Variants in TLN1 observed in about 807,000 individuals in gnomAD.
The protein encoded by TLN1 is talin 1.
A neutral mutation model predicts 292.3 loss-of-function variants in TLN1; 56 were observed. That is an observed-to-expected ratio of 0.19 (90% CI 0.15 to 0.24). The LOEUF is 0.24. Among genes scored for constraint, TLN1 ranks in the 10% least tolerant of loss-of-function variants. The pLI is 1.00. For synonymous variants in TLN1, 1,119 were observed against 1,253.7 expected (o/e 0.89, Z 2.27); for missense variants, 2,433 against 3,248.2 (o/e 0.75, Z 6.10).
chr9:35,717,559 C>G lies in TLN1; in HGVS notation c.2163+60G>C. On this transcript the variant is annotated intron_variant, in intron 18 of 56. Transcript: ENST00000314888. The surrounding 1 kb of genome is among the most constrained non-coding windows in gnomAD (Gnocchi z 4.7). The stretch of plus-strand genomic sequence containing the variant: ...AGAGCCAAAGAAATAAAATGAAAGG[C>G]TCACGTGTGTGTGGTAGTATTACCC... 6.3e-7 allele frequency: 1 copy of G among 1,583,506 alleles called. No individual in the cohort carries two copies. The highest frequency in any genetic ancestry group is 8.6e-7 in the Non-Finnish European group (1 of 1,159,384).
chr9:35,708,520 A>G, intron 33 of TLN1, 36 bp from the exon 34 acceptor site: 1 of 1,508,886 alleles, frequency 6.6e-7, no homozygotes, highest in Non-Finnish European at 8.9e-7. Flanking sequence ...TGAGGAATAA[A>G]GATTGCAGGT....
intron 7 of TLN1, 50 bp downstream of exon 7, chr9:35,723,902 A>G (rs757542965): frequency 7.5e-6 from 12 of 1,604,644 alleles, no homozygotes; most frequent in Non-Finnish European, 8.5e-6. Context: ...TGGGGTCACA[A>G]TGGCAGGGAG....
chr9:35,712,747 G>A, intron 27 of TLN1, 88 bp downstream of exon 27: 1 of 1,197,168 alleles, frequency 8.4e-7, no homozygotes, highest in South Asian at 1.5e-5. Flanking sequence ...TGTGAGTGTG[G>A]ACGAGGCTCA....
Position 35,705,532 on chromosome 9 carries a change from G to C in TLN1, c.5733+19C>G. ...GGAACAAGGGGCAGGGGGCAGGGCAGAGTTGCCTCCACGTTTACCTCTTCA... is the reference window on the plus strand; with the variant it reads ...GGAACAAGGGGCAGGGGGCAGGGCACAGTTGCCTCCACGTTTACCTCTTCA... On this transcript the variant is annotated intron_variant, in intron 43 of 56. Transcript: ENST00000314888. 6.4e-7 allele frequency: 1 copy of C among 1,560,512 alleles called. No individual in the cohort carries two copies. Among genetic ancestry groups the C allele is most frequent in the Non-Finnish European group, 8.7e-7 (1 of 1,151,550 alleles).
At position 35,712,245 on chromosome 9, in the gene TLN1, G is replaced by A. The variant is rs114636487; in HGVS notation, c.3562-121C>T. On this transcript the variant is annotated intron_variant, in intron 27 of 56. Transcript: ENST00000314888. ...CTGAAAGTGAAAAAAGAAAGGGGGC[G>A]TTGTAGGTGAACAGGCTGAGGTTAG... 1,478 of 1,336,366 alleles carry A rather than the reference G, an allele frequency of 1.1e-3. 15 individuals carry two copies. The African/African-American group carries it at 0.019, about 18-fold the overall frequency. 82.8% of individuals were successfully genotyped at this position (1,336,366 alleles called of 1,614,324 possible). A position where few individuals can be genotyped will look rare whatever the true frequency, so the allele number is the denominator to read the frequency against.
At chr9:35,709,293 C>CA (rs1309069670) in intron 33 of TLN1, among the ~76,000 whole-genome samples, 1 of 151,914 alleles carries the variant, frequency 6.6e-6, no homozygotes, top group Non-Finnish European at 1.5e-5. Context: ...GACTCCGTCT[C>CA]AAAAAACAAA....
chr9:35,731,241 C>T (rs1483940489), intron 1 of TLN1, among the ~76,000 whole-genome samples: 1 of 152,194 alleles, frequency 6.6e-6, no homozygotes, highest in Non-Finnish European at 1.5e-5. Flanking sequence ...TCAAGGTCAA[C>T]TATGCTAGCC....
At position 35,699,837 on chromosome 9, in the gene TLN1, G is replaced by A. The variant is rs1008981727; in HGVS notation, c.6768+137C>T. 6.3e-6 allele frequency: 7 copies of A among 1,108,438 alleles called. No individual in the cohort carries two copies. The African/African-American group carries it at 1.1e-4, about 18-fold the overall frequency. The allele number at this position is 1,108,438 out of a possible 1,614,324, so 68.7% of individuals were successfully genotyped here. On this transcript the variant is annotated intron_variant, in intron 50 of 56. Coordinates refer to ENST00000314888, the MANE Select transcript of TLN1 (RefSeq NM_006289.4). This position sits in a 1 kb window ranked among gnomAD's most constrained non-coding sequence, Gnocchi z 4.0. The stretch of plus-strand genomic sequence containing the variant: ...CCTGGGAGAAAGGGAGACTTGGAAA[G>A]GAGAACAGATTTGGGAAGTAGAGGG...
intron 10 of TLN1, among the ~76,000 whole-genome samples, 190 bp from the exon 11 acceptor site, chr9:35,721,103 G>A (rs755676369): frequency 1.3e-5 from 2 of 152,090 alleles, no homozygotes; most frequent in Non-Finnish European, 1.5e-5. Context: ...CTTCTGAGGA[G>A]TGGCCTCTAC....
In TLN1 at chr9:35,700,021, G is replaced by T. The variant is rs750965317; in HGVS notation, c.6721C>A (p.Arg2241=). ...DVRLRALHYG[R]ECANGYLELL... is the part of the protein sequence containing the mutation. ...TCCAGGTAGCCATTGGCACACTCCCGGCCATAGTGCAGGGCTCGAAGCCGC... is the reference window on the plus strand; with the variant it reads ...TCCAGGTAGCCATTGGCACACTCCCTGCCATAGTGCAGGGCTCGAAGCCGC... Residue 2241 remains arginine, a synonymous_variant, in exon 50 of 57, where the codon CGG becomes AGG. Coordinates refer to ENST00000314888, the MANE Select transcript of TLN1 (RefSeq NM_006289.4). 1 of 1,613,574 alleles carries T rather than the reference G, an allele frequency of 6.2e-7. No homozygotes were observed. The highest frequency in any genetic ancestry group is 1.3e-5 in the African/African-American group (1 of 74,990).
Position 35,706,943 on chromosome 9 carries a change from C to G in TLN1, c.4956-43G>C. 1 of 1,611,012 alleles carries G rather than the reference C, an allele frequency of 6.2e-7. No homozygotes were observed. The highest frequency in any genetic ancestry group is 1.1e-5 in the South Asian group (1 of 90,910). ...GCTCCAACACCAAGAACATCCCCTACTGCAAGGCCAGCCTATCCTTCCCCT... is the reference window on the plus strand; with the variant it reads ...GCTCCAACACCAAGAACATCCCCTAGTGCAAGGCCAGCCTATCCTTCCCCT... On this transcript the variant is annotated intron_variant, in intron 37 of 56. Transcript: ENST00000314888. This position sits in a 1 kb window ranked among gnomAD's most constrained non-coding sequence, Gnocchi z 4.2.
chr9:35,725,100 T>G, intron 3 of TLN1, 124 bp downstream of exon 3: 1 of 1,533,196 alleles, frequency 6.5e-7, no homozygotes, highest in Non-Finnish European at 8.9e-7. Context: ...TATGACTGTC[T>G]GTTAATAGGA....
rs758141606 is a variant in TLN1, at chr9:35,712,144, AG to A, written c.3562-21del. The A allele has an allele frequency of 5.0e-6, 8 of 1,607,256 alleles. No homozygotes were observed. The highest frequency in any genetic ancestry group is 3.4e-5 in the Admixed American group (2 of 58,382). On this transcript the variant is annotated intron_variant, in intron 27 of 56. Coordinates refer to ENST00000314888, the MANE Select transcript of TLN1 (RefSeq NM_006289.4). Reference sequence around the variant, plus strand: ...AGCCACCTGGGGTGAGAAAGGAGACAGGGTTGCCCAAGTGAAAAGAATTTGA... The same window carrying A: ...AGCCACCTGGGGTGAGAAAGGAGACAGGTTGCCCAAGTGAAAAGAATTTGA...
Position 35,717,719 on chromosome 9 carries a change from C to T in TLN1, c.2063G>A (p.Ser688Asn). Residue 688 changes from serine (S) to asparagine (N), a missense_variant, in exon 18 of 57, where the codon AGT (serine) becomes AAT (asparagine). This residue lies in a region of TLN1 where 617 missense variants were observed against 770.6 expected (regional missense o/e 0.80). Transcript: ENST00000314888. This position sits in a 1 kb window ranked among gnomAD's most constrained non-coding sequence, Gnocchi z 4.7. ...CGAGTCCTCTGTCCGCTGGGCCACA[C>T]TCTTGGCCTTGAGGACCAGGGCAGC... ...AAAALVLKAKSVAQRTEDSGL... is the reference protein window; with the variant it reads ...AAAALVLKAKNVAQRTEDSGL... 1 of 1,613,742 alleles carries T rather than the reference C, an allele frequency of 6.2e-7. No homozygotes were observed.
intron 20 of TLN1, 74 bp downstream of exon 20, chr9:35,716,316 A>G: frequency 3.9e-6 from 6 of 1,549,532 alleles, no homozygotes; most frequent in Non-Finnish European, 5.3e-6. Context: ...CCCTCATCAG[A>G]TGAGGGTGAC....
chr9:35,706,274 G>A lies in TLN1; in HGVS notation c.5283C>T (p.Leu1761=). The part of the protein sequence containing the change: ...KTLSHPQQMA[L]LDQTKTLAES... ...CTGCCAATGTTTTAGTCTGGTCCAG[G>A]AGTGCCATCTGCTGCGGGTGGCTCA... is the stretch of plus-strand genomic sequence containing the variant. Residue 1761 remains leucine, a synonymous_variant, in exon 40 of 57, where the codon CTC becomes CTT. Coordinates refer to ENST00000314888, the MANE Select transcript of TLN1 (RefSeq NM_006289.4). The surrounding 1 kb of genome is among the most constrained non-coding windows in gnomAD (Gnocchi z 4.2). The A allele has an allele frequency of 1.2e-6, 2 of 1,613,934 alleles. No homozygotes were observed. The highest frequency in any genetic ancestry group is 1.7e-6 in the Non-Finnish European group (2 of 1,179,832).
chr9:35,709,997 G>A (rs1341233876), intron 33 of TLN1, among the ~76,000 whole-genome samples: 1 of 147,002 alleles, frequency 6.8e-6, no homozygotes, highest in Non-Finnish European at 1.5e-5. Context: ...TGGATCACGA[G>A]TCAGGATATC....
Position 35,724,123 on chromosome 9 carries a change from A to C in TLN1, c.655-44T>G. The stretch of plus-strand genomic sequence containing the variant: ...GGAGGCGAATGTTGTGTGTGGGTGC[A>C]AGGACACGCACACTGTGCTTCCGAG... On this transcript the variant is annotated intron_variant, in intron 6 of 56. Coordinates refer to ENST00000314888, the MANE Select transcript of TLN1 (RefSeq NM_006289.4). The surrounding 1 kb of genome is among the most constrained non-coding windows in gnomAD (Gnocchi z 4.7). The C allele has an allele frequency of 1.2e-6, 2 of 1,612,746 alleles. No individual in the cohort carries two copies. The highest frequency in any genetic ancestry group is 1.1e-5 in the South Asian group (1 of 91,078).
At chr9:35,718,725 C>T in intron 17 of TLN1, 87 bp downstream of exon 17, 1 of 1,202,382 alleles carries the variant, frequency 8.3e-7, no homozygotes, top group African/African-American at 1.5e-5. Context: ...GGGGTCAATT[C>T]ACAGAAGCCA....
Sources: allele counts gnomAD v4.1 joint callset (sites outside exome capture counted in the v4.1 genomes callset), GRCh38; gene constraint gnomAD v4.1.1; regional missense constraint gnomAD v4.1.1; non-coding constraint Gnocchi (gnomAD v3.1); transcripts MANE v1.5; gene names NCBI Gene and HGNC (gene_info 2026-07-23, HGNC 2026-07-21).